The following TTLL11 variants were observed in gnomAD, a reference collection of about 807,000 sequenced individuals.
TTLL11 encodes tubulin polyglutamylase TTLL11.
In TTLL11, 42 loss-of-function variants were observed where a neutral mutation model predicts 51.7. The observed-to-expected ratio is 0.81, with a 90% CI of 0.64 to 1.05. The LOEUF is 1.05. Ranked by LOEUF, TTLL11 falls within the 50% of genes least tolerant of loss-of-function variation. The pLI is 0.00. For synonymous variants in TTLL11, 381 were observed against 383.5 expected (o/e 0.99, Z 0.08); for missense variants, 799 against 940.4 (o/e 0.85, Z 1.97).
At chr9:121,946,393 C>G (rs963266173) in intron 6 of TTLL11, among the ~76,000 whole-genome samples, 10 of 152,202 alleles carry the variant, frequency 6.6e-5, no homozygotes, top group African/African-American at 2.4e-4. Flanking sequence ...AAGATCCACA[C>G]AGGCACAAAA....
chr9:122,086,715 G>T (rs1381309661), intron 1 of TTLL11, among the ~76,000 whole-genome samples: 3 of 152,246 alleles, frequency 2.0e-5, no homozygotes, highest in Non-Finnish European at 4.4e-5. Flanking sequence ...ATATATTTCA[G>T]TGTGTTTTAT....
chr9:121,895,571 TTGTG>T lies in TTLL11; in HGVS notation c.1482-24827_1482-24824del, dbSNP rs887655483. On this transcript the variant is annotated intron_variant, in intron 6 of 8. Coordinates refer to ENST00000321582, the MANE Select transcript of TTLL11 (RefSeq NM_001139442.2). Reference sequence around the variant, plus strand: ...TGTACATATGTGTGTGTCTGTGTGGTTGTGTGTTTGTGTGACTGTGTGTGGTTGT... The same window carrying T: ...TGTACATATGTGTGTGTCTGTGTGGTTGTTTGTGTGACTGTGTGTGGTTGT... Among the ~76,000 whole-genome samples, 25 of 148,790 alleles carry T rather than the reference TTGTG, an allele frequency of 1.7e-4. 1 individual carries two copies. The highest frequency in any genetic ancestry group is 3.0e-4 in the Non-Finnish European group (20 of 66,836).
chr9:122,032,858 G>A (rs1050594309), intron 2 of TTLL11, among the ~76,000 whole-genome samples: 4 of 146,840 alleles, frequency 2.7e-5, no homozygotes, highest in Non-Finnish European at 3.0e-5. Context: ...GCAGTGGCAT[G>A]ATCTCAGCTC....
In TTLL11 at chr9:121,986,393, C is replaced by A. The variant is rs371774288; in HGVS notation, c.1269+2802G>T. 2.3e-4 allele frequency among the ~76,000 whole-genome samples: 35 copies of A among 152,232 alleles called. 1 individual carries two copies. The East Asian group carries it at 2.5e-3, about 11-fold the overall frequency. ...AGCTGTCATTGTCAAACAGATCTGA[C>A]CACATGGTCCCCCGGGATGACCCCT... On this transcript the variant is annotated intron_variant, in intron 4 of 8. Coordinates refer to ENST00000321582, the MANE Select transcript of TTLL11 (RefSeq NM_001139442.2).
intron 1 of TTLL11, among the ~76,000 whole-genome samples, chr9:122,081,938 G>C (rs1846012468): frequency 6.6e-6 from 1 of 152,108 alleles, no homozygotes; most frequent in Non-Finnish European, 1.5e-5. Flanking sequence ...GATGAAGCAA[G>C]ACAAATGACA....
At chr9:122,032,375 A>G (rs886754813) in intron 2 of TTLL11, among the ~76,000 whole-genome samples, 4 of 152,204 alleles carry the variant, frequency 2.6e-5, no homozygotes, top group African/African-American at 9.7e-5. Context: ...TTTCAGCATA[A>G]AATCTGTCTC....
At chr9:122,058,307 G>T (rs1398395292) in intron 1 of TTLL11, among the ~76,000 whole-genome samples, 1 of 152,238 alleles carries the variant, frequency 6.6e-6, no homozygotes, top group Non-Finnish European at 1.5e-5. Flanking sequence ...AGGGAGGAAA[G>T]CCTGCCCACG....
chr9:121,896,323 C>G (rs779529414), intron 6 of TTLL11, among the ~76,000 whole-genome samples: 24 of 152,194 alleles, frequency 1.6e-4, no homozygotes, highest in Non-Finnish European at 3.1e-4. Flanking sequence ...GTGGCTTTAG[C>G]CTAGAGTTCC....
intron 6 of TTLL11, among the ~76,000 whole-genome samples, chr9:121,968,485 T>C (rs915544767): frequency 2.0e-5 from 3 of 152,266 alleles, no homozygotes; most frequent in African/African-American, 7.2e-5. Flanking sequence ...AAAAATCTGC[T>C]TTAAGTATAC....
chr9:121,884,776 T>C lies in TTLL11; in HGVS notation c.1482-14028A>G, dbSNP rs542456433. On this transcript the variant is annotated intron_variant, in intron 6 of 8. Coordinates refer to ENST00000321582, the MANE Select transcript of TTLL11 (RefSeq NM_001139442.2). ...ACAGAGACAGGGGGCACTTCACTTG[T>C]ACCTCTCCTGTCCTGCTCAGCATTT... 2.6e-5 allele frequency: 4 copies of C among 152,336 alleles called. No individual in the cohort carries two copies. The South Asian group carries it at 6.2e-4, about 24-fold the overall frequency. 9.4% of individuals were successfully genotyped at this position (152,336 alleles called of 1,614,324 possible).
intron 8 of TTLL11, among the ~76,000 whole-genome samples, chr9:121,826,537 G>GTATATA (rs1157615086): frequency 0.019 from 897 of 46,920 alleles, 30 homozygotes; most frequent in African/African-American, 0.052. Flanking sequence ...ATGTGTGTGT[G>GTATATA]TATATATATA....
chr9:122,080,596 G>A (rs1009085122), intron 1 of TTLL11, among the ~76,000 whole-genome samples: 20 of 151,946 alleles, frequency 1.3e-4, no homozygotes, highest in Admixed American at 5.3e-4. Context: ...TGGAGGCTGG[G>A]GTGGGAGGAT....
intron 1 of TTLL11, among the ~76,000 whole-genome samples, chr9:122,068,219 C>G (rs939621428): frequency 6.6e-6 from 1 of 152,024 alleles, no homozygotes; most frequent in Admixed American, 6.6e-5. Context: ...ATAAAAGGAA[C>G]AGAATCGAGT....
chr9:121,983,478 T>C (rs892738569), intron 4 of TTLL11, among the ~76,000 whole-genome samples: 1 of 152,014 alleles, frequency 6.6e-6, no homozygotes, highest in Non-Finnish European at 1.5e-5. Context: ...TTAGGAGTGA[T>C]TGTGAATAGG....
At chr9:121,875,130 C>T (rs1275277420) in intron 6 of TTLL11, among the ~76,000 whole-genome samples, 5 of 152,154 alleles carry the variant, frequency 3.3e-5, no homozygotes, top group Admixed American at 1.3e-4. Context: ...CAGGCATTCA[C>T]ACTGTTGTGT....
At chr9:121,982,544 C>T (rs1246282979) in intron 4 of TTLL11, among the ~76,000 whole-genome samples, 1 of 151,946 alleles carries the variant, frequency 6.6e-6, no homozygotes, top group East Asian at 1.9e-4. Flanking sequence ...TGGTGAAACC[C>T]TGTCTCTACT....
intron 6 of TTLL11, among the ~76,000 whole-genome samples, chr9:121,959,951 A>G (rs1238789836): frequency 6.6e-6 from 1 of 152,000 alleles, no homozygotes; most frequent in African/African-American, 2.4e-5. Context: ...CATGTATAAC[A>G]TAGATACATA....
chr9:121,977,062 T>G (rs1453065235), intron 4 of TTLL11, among the ~76,000 whole-genome samples: 2 of 152,210 alleles, frequency 1.3e-5, no homozygotes, highest in Non-Finnish European at 2.9e-5. Context: ...TGGTGGACTC[T>G]TCCCAGTTCA....
intron 8 of TTLL11, among the ~76,000 whole-genome samples, chr9:121,842,629 G>A (rs1043983345): frequency 6.6e-6 from 1 of 152,192 alleles, no homozygotes; most frequent in Non-Finnish European, 1.5e-5. Context: ...TGTAGGAAAT[G>A]TTACCCATGA....
Sources: gnomAD v4.1 joint callset for allele counts (sites outside exome capture counted in the v4.1 genomes callset) on GRCh38, gnomAD v4.1.1 for gene constraint, MANE v1.5 for transcripts, NCBI Gene and HGNC (gene_info 2026-07-23, HGNC 2026-07-21) for gene names.